The following SPHKAP variants were observed in gnomAD, a reference collection of about 807,000 sequenced individuals.
The protein encoded by SPHKAP is A-kinase anchor protein SPHKAP.
Under a neutral mutation model 137.5 loss-of-function variants are expected in SPHKAP, and 67 were observed. The ratio of observed to expected loss-of-function variants is 0.49; its 90% confidence interval spans 0.40 to 0.60. The LOEUF is 0.60. Among genes scored for constraint, SPHKAP ranks in the 20% least tolerant of loss-of-function variants. The pLI, the probability that SPHKAP is intolerant of heterozygous loss-of-function variation, is 0.00. For missense variants in SPHKAP, 2,097 were observed against 2,069.3 expected (o/e 1.01, Z -0.26); for synonymous variants, 813 against 785.3 (o/e 1.04, Z -0.59).
chr2:228,030,083 C>T (rs1296469951), intron 3 of SPHKAP, among the ~76,000 whole-genome samples: 1 of 152,108 alleles, frequency 6.6e-6, no homozygotes. Flanking sequence ...CTACCTGAAC[C>T]AAGATAAAAA....
chr2:228,044,054 T>C (rs1238112071), intron 3 of SPHKAP, among the ~76,000 whole-genome samples: 1 of 152,174 alleles, frequency 6.6e-6, no homozygotes, highest in Non-Finnish European at 1.5e-5. Flanking sequence ...TACAAATAGT[T>C]TATCTAAACC....
rs140246746 is a variant in SPHKAP at position 228,018,433 on chromosome 2, G to A, written c.2421C>T (p.Asn807=). Residue 807 remains asparagine (N), a synonymous_variant, in exon 7 of 12, where the codon AAC becomes AAT. Transcript: ENST00000392056. ...KGGVRPGLFK[N]PTLQSQLSRS... is the part of the protein sequence containing the mutation. ...GTGATAATTGTGACTGCAGCGTGGG[G>A]TTCTTGAAGAGGCCTGGCCTCACTC... 1.7e-5 allele frequency: 28 copies of A among 1,613,890 alleles called. No homozygotes were observed. The Middle Eastern group carries it at 1.6e-3, about 95-fold the overall frequency.
chr2:228,166,355 C>T (rs1053274749), intron 1 of SPHKAP, among the ~76,000 whole-genome samples: 3 of 152,134 alleles, frequency 2.0e-5, no homozygotes, highest in Admixed American at 1.3e-4. Context: ...ACATATTAAC[C>T]TTGTTCAACA....
Position 228,019,842 on chromosome 2 carries a change from G to C in SPHKAP, c.1012C>G (p.Leu338Val). The change falls in exon 7 of 12, where the codon CTG becomes GTG. Residue 338 changes from leucine to valine, a missense_variant. Leu to Val is a conservative substitution (Grantham distance 32, BLOSUM62 1). Transcript: ENST00000392056. The part of the protein sequence containing the change: ...FKGQMEKSQA[L>V]YIPKDAYFSM... ...AAATAAGCATCTTTTGGAATATACA[G>C]TGCCTGTGATTTTTCCATTTGACCT... The C allele has an allele frequency of 1.2e-6, 2 of 1,614,178 alleles. No homozygotes were observed. Among genetic ancestry groups the C allele is most frequent in the Non-Finnish European group, 8.5e-7 (1 of 1,180,028 alleles).
rs888225852 is a variant in SPHKAP, at chr2:228,017,074, T to C, written c.3780A>G (p.Leu1260=). 5.6e-6 allele frequency: 9 copies of C among 1,614,026 alleles called. No homozygotes were observed. In the African/African-American group the frequency reaches 9.3e-5, roughly 17 times the overall value. The change falls in exon 7 of 12, where the codon TTA becomes TTG. Residue 1260 remains leucine (L), a synonymous_variant. Coordinates refer to ENST00000392056, the MANE Select transcript of SPHKAP (RefSeq NM_001142644.2). ...GTGGGCAGTTCTGAGCAAAGCCATC[T>C]AAAGAGTTGGCTTTGATGGGCACAT... is the stretch of plus-strand genomic sequence containing the variant. ...TVNVPIKANS[L]DGFAQNCPQD... is the part of the protein sequence containing the mutation.
intron 3 of SPHKAP, among the ~76,000 whole-genome samples, chr2:228,063,038 A>G (rs1385217625): frequency 6.6e-6 from 1 of 152,224 alleles, no homozygotes; most frequent in African/African-American, 2.4e-5. Flanking sequence ...ATAAAGTTCT[A>G]GGTGAGAATA....
At chr2:227,996,004 A>C in intron 7 of SPHKAP, 1 of 985,384 alleles carries the variant, frequency 1.0e-6, no homozygotes. Flanking sequence ...ATGATGTTTA[A>C]AAAGAAGATA....
At chr2:228,020,332 G>A (rs1694790907) in intron 6 of SPHKAP, 176 bp from the exon 7 acceptor site, 3 of 369,684 alleles carry the variant, frequency 8.1e-6, no homozygotes, top group Non-Finnish European at 1.1e-5. Context: ...GTCCATCAAT[G>A]ATAGACTGGA....
At chr2:228,053,355 C>A (rs1170326316) in intron 3 of SPHKAP, among the ~76,000 whole-genome samples, 2 of 152,228 alleles carry the variant, frequency 1.3e-5, no homozygotes, top group Non-Finnish European at 2.9e-5. Context: ...AGGGCTTTAG[C>A]ATATTAATTT....
At chr2:228,156,815 C>T (rs1435819734) in intron 1 of SPHKAP, among the ~76,000 whole-genome samples, 1 of 152,156 alleles carries the variant, frequency 6.6e-6, no homozygotes, top group Non-Finnish European at 1.5e-5. Flanking sequence ...TGCACATGCC[C>T]TCTTTGCTTG....
intron 1 of SPHKAP, among the ~76,000 whole-genome samples, chr2:228,144,650 A>C (rs34063514): frequency 0.11 from 16,501 of 152,188 alleles, 1,133 homozygotes; most frequent in East Asian, 0.18. Context: ...GTGCCTATAA[A>C]CAAATAGGCA....
chr2:228,109,054 C>T, intron 2 of SPHKAP, 115 bp from the exon 3 acceptor site: 3 of 677,330 alleles, frequency 4.4e-6, no homozygotes, highest in Non-Finnish European at 6.8e-6. Context: ...TTCTTTTCCT[C>T]AGAGCTTCTG....
chr2:228,090,334 T>C (rs765342103), intron 3 of SPHKAP, among the ~76,000 whole-genome samples: 38 of 152,194 alleles, frequency 2.5e-4, no homozygotes, highest in Non-Finnish European at 7.3e-5. Flanking sequence ...GGCGTAGGAA[T>C]GTTTACCCAA....
intron 3 of SPHKAP, among the ~76,000 whole-genome samples, chr2:228,068,335 T>C (rs1008959318): frequency 2.6e-5 from 4 of 152,110 alleles, no homozygotes; most frequent in African/African-American, 9.6e-5. Flanking sequence ...GCAGTCTCTA[T>C]TGAAATACTG....
At chr2:228,172,204 G>A (rs1362020056) in intron 1 of SPHKAP, among the ~76,000 whole-genome samples, 1 of 152,134 alleles carries the variant, frequency 6.6e-6, no homozygotes, top group African/African-American at 2.4e-5. Flanking sequence ...ATTTGCAAGA[G>A]TTAAAAGCAT....
intron 1 of SPHKAP, among the ~76,000 whole-genome samples, chr2:228,180,261 A>T (rs1700863280): frequency 6.6e-6 from 1 of 152,100 alleles, no homozygotes; most frequent in Admixed American, 6.5e-5. Flanking sequence ...AGGGACGCTT[A>T]AGGAGGAAGT....
intron 7 of SPHKAP, among the ~76,000 whole-genome samples, chr2:227,998,026 A>G (rs1235348336): frequency 6.6e-6 from 1 of 152,152 alleles, no homozygotes; most frequent in Non-Finnish European, 1.5e-5. Flanking sequence ...TGTTTGTTTG[A>G]GACAAAGTCT....
intron 1 of SPHKAP, among the ~76,000 whole-genome samples, chr2:228,180,645 G>A (rs1324831554): frequency 6.6e-6 from 1 of 152,202 alleles, no homozygotes; most frequent in East Asian, 1.9e-4. Flanking sequence ...CTCCCTGGGA[G>A]CAACAGCATC....
rs534106067 is a variant in SPHKAP, at chr2:228,021,734, C to T, written c.674G>A (p.Ser225Asn). The change falls in exon 6 of 12, where the codon AGC (serine) becomes AAC (asparagine). Residue 225 changes from serine to asparagine, a missense_variant. Ser to Asn is a conservative substitution (Grantham distance 46). Transcript: ENST00000392056. ...ACCGTTCCTAGATTCATCCACCTCG[C>T]TTTCCTCCTCCAAGTGCTCAGAAGC... The part of the protein sequence containing the change: ...LTASEHLEEE[S>N]EVDESRNDYE... 2 of 1,613,558 alleles carry T rather than the reference C, an allele frequency of 1.2e-6. No individual in the cohort carries two copies. Among genetic ancestry groups the T allele is most frequent in the East Asian group, 2.2e-5 (1 of 44,858 alleles).
Sources: allele counts gnomAD v4.1 joint callset (sites outside exome capture counted in the v4.1 genomes callset), GRCh38; gene constraint gnomAD v4.1.1; transcripts MANE v1.5; gene names NCBI Gene and HGNC (gene_info 2026-07-23, HGNC 2026-07-21).